Variants in ILDR1 observed in about 807,000 individuals in gnomAD.
ILDR1 encodes immunoglobulin like domain containing receptor 1.
A neutral mutation model predicts 62.4 loss-of-function variants in ILDR1; 56 were observed. That is an observed-to-expected ratio of 0.90 (90% confidence interval 0.72 to 1.12). ILDR1 has a LOEUF of 1.12. Ranked by LOEUF, ILDR1 falls within the 50% of genes most tolerant of loss-of-function variation. The pLI, the probability that ILDR1 is intolerant of heterozygous loss-of-function variation, is 0.00. For missense variants in ILDR1, 736 were observed against 710.6 expected, an observed-to-expected ratio of 1.04 and a Z score of -0.41; for synonymous variants, 284 against 277.8, an observed-to-expected ratio of 1.02 and a Z score of -0.22.
the ILDR1 span, among the ~76,000 whole-genome samples, chr3:122,035,790 T>C: frequency 6.6e-6 from 1 of 152,220 alleles, no homozygotes; most frequent in Non-Finnish European, 1.5e-5. Context: ...TCTCATGTAG[T>C]TCTTTAGATC....
the ILDR1 span, among the ~76,000 whole-genome samples, chr3:122,051,161 G>A: frequency 9.2e-5 from 14 of 152,186 alleles, no homozygotes; most frequent in African/African-American, 2.9e-4. Flanking sequence ...TGGATCTGTA[G>A]TCCATTTTCT....
the ILDR1 span, among the ~76,000 whole-genome samples, chr3:122,051,873 A>G: frequency 0.95 from 143,883 of 152,240 alleles, 68,328 homozygotes; most frequent in East Asian, 1. Context: ...CTCTGGGCTT[A>G]TGCACGTAGA....
chr3:122,056,659 T>C, the ILDR1 span, among the ~76,000 whole-genome samples: 1 of 152,212 alleles, frequency 6.6e-6, no homozygotes, highest in African/African-American at 2.4e-5. Flanking sequence ...TAATTACTGT[T>C]CTTTGAAAAT....
At position 122,009,320 on chromosome 3, in the gene ILDR1, T is replaced by G. The variant is rs1000076589; in HGVS notation, c.59-2159A>C. Among the ~76,000 whole-genome samples the G allele has an allele frequency of 1.3e-4, 8 of 63,210 alleles. No homozygotes were observed. The South Asian group carries it at 4.4e-3, about 35-fold the overall frequency. 41.5% of individuals were successfully genotyped at this position (63,210 alleles called of 152,430 possible). The stretch of plus-strand genomic sequence containing the variant: ...TGAGAACCACTGGTGTAGACTCAAT[T>G]TAAAACACACACACACACACACACA... On this transcript the variant is annotated intron_variant, in intron 1 of 7. Coordinates refer to ENST00000344209, the MANE Select transcript of ILDR1 (RefSeq NM_001199799.2).
the ILDR1 span, among the ~76,000 whole-genome samples, chr3:122,027,747 T>C: frequency 1.3e-5 from 2 of 152,000 alleles, no homozygotes; most frequent in Admixed American, 1.3e-4. Flanking sequence ...TGTTCCTGAG[T>C]TGTATGCTTT....
At chr3:121,991,547 A>C (rs576716477) in intron 7 of ILDR1, among the ~76,000 whole-genome samples, 92 of 152,386 alleles carry the variant, frequency 6.0e-4, no homozygotes, top group African/African-American at 2.0e-3. Flanking sequence ...TACAAAACAC[A>C]CAGGGTTGTT....
chr3:121,996,521 A>G (rs1238345881), intron 5 of ILDR1, among the ~76,000 whole-genome samples: 2 of 152,288 alleles, frequency 1.3e-5, no homozygotes, highest in East Asian at 3.9e-4. Context: ...TGTCTAGGCT[A>G]TCAGGGGTAT....
the ILDR1 span, among the ~76,000 whole-genome samples, chr3:122,027,572 A>G: frequency 6.6e-6 from 1 of 152,186 alleles, no homozygotes; most frequent in Non-Finnish European, 1.5e-5. Context: ...ATTAAGGATG[A>G]CAATTCTTCC....
chr3:122,045,386 T>C, the ILDR1 span, among the ~76,000 whole-genome samples: 1 of 151,898 alleles, frequency 6.6e-6, no homozygotes, highest in Non-Finnish European at 1.5e-5. Flanking sequence ...GAAAAAAATG[T>C]ATATTGTGTT....
In ILDR1 at chr3:121,991,389, CT is replaced by C. The variant is rs1001121274; in HGVS notation, c.1599+1760del. On this transcript the variant is annotated intron_variant, in intron 7 of 7. Transcript: ENST00000344209. Reference sequence around the variant, plus strand: ...TTTGGGGCCCAAAACTGGATCTTAACTTTTTTTGTTGTTGTTGTTATAATGA... The same window carrying C: ...TTTGGGGCCCAAAACTGGATCTTAACTTTTTTGTTGTTGTTGTTATAATGA... Among the ~76,000 whole-genome samples the C allele has an allele frequency of 1.2e-4, 19 of 152,092 alleles. 1 individual carries two copies. Among genetic ancestry groups the C allele is most frequent in the Non-Finnish European group, 1.5e-5 (1 of 67,998 alleles).
the ILDR1 span, among the ~76,000 whole-genome samples, chr3:122,042,515 T>G: frequency 7.3e-6 from 1 of 136,546 alleles, no homozygotes; most frequent in Non-Finnish European, 1.6e-5. Context: ...ATGGTTGAAC[T>G]AGTTTACAGT....
rs2071267933 is a variant in ILDR1, at chr3:121,987,476, A to G, written c.*891T>C. The G allele has an allele frequency of 6.6e-6, 1 of 152,186 alleles. No individual in the cohort carries two copies. Among genetic ancestry groups the G allele is most frequent in the African/African-American group, 2.4e-5 (1 of 41,432 alleles). 9.4% of individuals were successfully genotyped at this position (152,186 alleles called of 1,614,324 possible). On this transcript the variant is annotated 3_prime_UTR_variant, in exon 8 of 8. Transcript: ENST00000344209. ...AATATAAATTAGATATACAGGTAAAAAAAGAGCAAGAGGAAAACAAGGCAC... is the reference window on the plus strand; with the variant it reads ...AATATAAATTAGATATACAGGTAAAGAAAGAGCAAGAGGAAAACAAGGCAC...
intron 5 of ILDR1, 88 bp from the exon 6 acceptor site, chr3:121,994,401 A>G (rs2071407992): frequency 2.8e-6 from 4 of 1,407,236 alleles, no homozygotes; most frequent in Non-Finnish European, 3.8e-6. Flanking sequence ...GGGGCCTTGC[A>G]AGAGGCCAGC....
the ILDR1 span, among the ~76,000 whole-genome samples, chr3:122,043,253 C>G: frequency 2.0e-5 from 3 of 151,194 alleles, no homozygotes; most frequent in Non-Finnish European, 4.4e-5. Context: ...TCTGAGGGCT[C>G]TGTTCTGTTC....
chr3:122,017,623 A>G (rs2071794709), intron 1 of ILDR1, among the ~76,000 whole-genome samples: 1 of 152,242 alleles, frequency 6.6e-6, no homozygotes, highest in Non-Finnish European at 1.5e-5. Context: ...AGAATGGGAG[A>G]AAATTTTGCA....
the ILDR1 span, among the ~76,000 whole-genome samples, chr3:122,028,487 A>T: frequency 6.6e-6 from 1 of 152,226 alleles, no homozygotes; most frequent in South Asian, 2.1e-4. Flanking sequence ...TAACCAAAAG[A>T]CTACATAAAA....
the ILDR1 span, among the ~76,000 whole-genome samples, chr3:122,041,919 T>A: frequency 1.3e-5 from 2 of 151,536 alleles, no homozygotes; most frequent in African/African-American, 4.8e-5. Context: ...TCTTTTTTTT[T>A]TTTATTATTA....
chr3:122,044,426 C>T, the ILDR1 span, among the ~76,000 whole-genome samples: 12 of 145,772 alleles, frequency 8.2e-5, 1 homozygote, highest in East Asian at 9.8e-4. Context: ...ATGATGCTGG[C>T]CTCATAAAAT....
intron 1 of ILDR1, among the ~76,000 whole-genome samples, chr3:122,015,552 G>A (rs1334777800): frequency 6.6e-6 from 1 of 152,182 alleles, no homozygotes; most frequent in Non-Finnish European, 1.5e-5. Context: ...ACAAGATCCA[G>A]TGGTTTTATA....
Sources: allele counts gnomAD v4.1 joint callset (sites outside exome capture counted in the v4.1 genomes callset), GRCh38; gene constraint gnomAD v4.1.1; transcripts MANE v1.5; gene names NCBI Gene and HGNC (gene_info 2026-07-23, HGNC 2026-07-21).